The following RPAIN variants were observed in gnomAD, a reference collection of about 807,000 sequenced individuals.
RPAIN encodes the protein RPA-interacting protein.
Under a neutral mutation model 30.5 loss-of-function variants are expected in RPAIN, and 29 were observed. The ratio of observed to expected loss-of-function variants is 0.95; its 90% CI spans 0.71 to 1.30. The LOEUF is 1.30. Among genes scored for constraint, RPAIN ranks in the 50% most tolerant of loss-of-function variants. The pLI is 0.00. For missense variants in RPAIN, 247 were observed against 264.7 expected (o/e 0.93, Z 0.46); for synonymous variants, 101 against 93.5 (o/e 1.08, Z -0.46).
At position 5,421,481 on chromosome 17, in the gene RPAIN, T is replaced by C. The variant is rs1914821874; in HGVS notation, c.252+15T>C. 6.2e-7 allele frequency: 1 copy of C among 1,612,028 alleles called. No individual in the cohort carries two copies. The highest frequency in any genetic ancestry group is 1.1e-5 in the South Asian group (1 of 90,896). On this transcript the variant is annotated intron_variant, in intron 2 of 6. Coordinates refer to ENST00000381209, the MANE Select transcript of RPAIN (RefSeq NM_001033002.4). ...ACTTGGCTCAGGTCAGGCTGGGCTA[T>C]GTGTTTTCAGGGAGGGGGACTGCAC...
At chr17:5,429,170 G>C in intron 6 of RPAIN, 1 of 985,460 alleles carries the variant, frequency 1.0e-6, no homozygotes, top group Non-Finnish European at 1.2e-6. Flanking sequence ...CTGGAGAGCT[G>C]TACAAGGAGG....
At chr17:5,432,495 A>T in intron 6 of RPAIN, 47 bp from the exon 7 acceptor site, 1 of 1,553,830 alleles carries the variant, frequency 6.4e-7, no homozygotes, top group Admixed American at 1.7e-5. Context: ...GATATCTTTC[A>T]TGACTAGAAT....
intron 3 of RPAIN, among the ~76,000 whole-genome samples, chr17:5,424,517 G>A (rs1915194865): frequency 6.6e-6 from 1 of 152,166 alleles, no homozygotes; most frequent in Non-Finnish European, 1.5e-5. Flanking sequence ...AGAAGACTTA[G>A]TGCATTGTCT....
intron 3 of RPAIN, 72 bp from the exon 4 acceptor site, chr17:5,425,899 C>T: frequency 1.1e-6 from 1 of 948,634 alleles, no homozygotes; most frequent in Non-Finnish European, 1.7e-6. Context: ...AAGCCTTTGA[C>T]AGTGAAGTTT....
chr17:5,431,414 G>T (rs933318925), intron 6 of RPAIN: 3 of 450,416 alleles, frequency 6.7e-6, no homozygotes, highest in Non-Finnish European at 1.3e-5. Context: ...TTGAGCTCAG[G>T]AGGCAGAGGT....
At chr17:5,429,302 G>C (rs1915690153) in intron 6 of RPAIN, 6 of 985,448 alleles carry the variant, frequency 6.1e-6, no homozygotes, top group Non-Finnish European at 7.2e-6. Flanking sequence ...GTGAGTTGTG[G>C]GGGTAGAGCT....
intron 2 of RPAIN, among the ~76,000 whole-genome samples, chr17:5,422,422 TTAGA>T (rs1914957192): frequency 1.3e-5 from 2 of 152,224 alleles, no homozygotes; most frequent in African/African-American, 2.4e-5. Flanking sequence ...AGTAACCCTC[TTAGA>T]TAGATTTTAT....
In RPAIN at chr17:5,432,753, A is replaced by G; in HGVS notation, c.*182A>G. 2.6e-6 allele frequency: 2 copies of G among 758,792 alleles called. No homozygotes were observed. Among genetic ancestry groups the G allele is most frequent in the Non-Finnish European group, 4.1e-6 (2 of 491,092 alleles). 47.0% of individuals were successfully genotyped at this position (758,792 alleles called of 1,614,324 possible). ...CTTTTGTGACGCAGGTTGAAGGGGGAGGAATAGAAAAAGACAAACTGCCTT... is the reference window on the plus strand; with the variant it reads ...CTTTTGTGACGCAGGTTGAAGGGGGGGGAATAGAAAAAGACAAACTGCCTT... On this transcript the variant is annotated 3_prime_UTR_variant, in exon 7 of 7. Transcript: ENST00000381209.
intron 6 of RPAIN, 82 bp from the exon 7 acceptor site, chr17:5,432,460 T>A: frequency 7.6e-7 from 1 of 1,315,902 alleles, no homozygotes; most frequent in Non-Finnish European, 1.1e-6. Context: ...ATGTGTAGAA[T>A]TCTCATTGAT....
Position 5,421,394 on chromosome 17 carries a change from A to G in RPAIN, c.180A>G (p.Leu60=), listed in dbSNP as rs776948985. The G allele has an allele frequency of 6.2e-7, 1 of 1,614,114 alleles. No homozygotes were observed. The highest frequency in any genetic ancestry group is 1.1e-5 in the South Asian group (1 of 91,076). Residue 60 remains leucine (L), a synonymous_variant, in exon 2 of 7, where the codon CTA becomes CTG. Transcript: ENST00000381209. ...SGPGNSQNSF[L]VQEVMEEEWN... Reference sequence around the variant, plus strand: ...CAGGGAATTCTCAGAACAGCTTTCTAGTTCAAGAGGTGATGGAAGAAGAGT... The same window carrying G: ...CAGGGAATTCTCAGAACAGCTTTCTGGTTCAAGAGGTGATGGAAGAAGAGT...
chr17:5,425,358 CAG>C (rs1382102651), intron 3 of RPAIN: 1 of 453,612 alleles, frequency 2.2e-6, no homozygotes, highest in Non-Finnish European at 4.4e-6. Context: ...TTTTTTGACA[CAG>C]AGTCTCGCTC....
At chr17:5,421,207 T>C (rs1914767084) in intron 1 of RPAIN, 89 bp from the exon 2 acceptor site, 5 of 1,326,934 alleles carry the variant, frequency 3.8e-6, no homozygotes, top group African/African-American at 1.5e-5. Context: ...CTATAAACTT[T>C]CTTTAATGTT....
At chr17:5,423,893 T>C (rs1024513267) in intron 3 of RPAIN, among the ~76,000 whole-genome samples, 1 of 151,696 alleles carries the variant, frequency 6.6e-6, no homozygotes, top group Non-Finnish European at 1.5e-5. Context: ...GCTGGGATCA[T>C]AGGCGTGTGC....
intron 5 of RPAIN, 37 bp downstream of exon 5, chr17:5,426,336 C>T (rs1166657157): frequency 3.2e-6 from 5 of 1,550,362 alleles, no homozygotes; most frequent in South Asian, 1.1e-5. Flanking sequence ...GATACTTCTT[C>T]CCACATGGAT....
intron 5 of RPAIN, chr17:5,426,514 A>C: frequency 1.8e-6 from 1 of 541,138 alleles, no homozygotes; most frequent in South Asian, 2.5e-5. Flanking sequence ...AGGGCCCTGG[A>C]GAGCCATCAC....
intron 2 of RPAIN, 97 bp downstream of exon 2, chr17:5,421,563 C>T: frequency 1.8e-6 from 2 of 1,087,614 alleles, no homozygotes; most frequent in Admixed American, 2.6e-5. Flanking sequence ...CTAAACCCAC[C>T]ATTCCCCTAA....
intron 3 of RPAIN, chr17:5,425,543 C>G: frequency 2.9e-6 from 1 of 349,302 alleles, no homozygotes; most frequent in Non-Finnish European, 5.6e-6. Context: ...ACCATGTTGG[C>G]CAGGCTGGTT....
chr17:5,421,004 A>G lies in RPAIN; in HGVS notation c.82-292A>G, dbSNP rs1047552417. 2.6e-5 allele frequency among the ~76,000 whole-genome samples: 4 copies of G among 152,352 alleles called. No individual in the cohort carries two copies. The East Asian group carries it at 7.7e-4, about 29-fold the overall frequency. ...ATATCTAGAGTAGCAAGAATTTGGAAGGAATATAAATGTTCTGTAATAGGA... is the reference window on the plus strand; with the variant it reads ...ATATCTAGAGTAGCAAGAATTTGGAGGGAATATAAATGTTCTGTAATAGGA... On this transcript the variant is annotated intron_variant, in intron 1 of 6. Transcript: ENST00000381209.
intron 3 of RPAIN, among the ~76,000 whole-genome samples, chr17:5,424,809 C>T (rs1875065171): frequency 6.6e-6 from 1 of 152,228 alleles, no homozygotes; most frequent in Non-Finnish European, 1.5e-5. Flanking sequence ...TCTGGTTAGA[C>T]TGTAAATTCC....
Sources: allele counts gnomAD v4.1 joint callset (sites outside exome capture counted in the v4.1 genomes callset), GRCh38; gene constraint gnomAD v4.1.1; transcripts MANE v1.5; gene names NCBI Gene and HGNC (gene_info 2026-07-23, HGNC 2026-07-21).